Variants in CCSER1 observed in about 807,000 individuals in gnomAD.
The protein encoded by CCSER1 is serine-rich coiled-coil domain-containing protein 1.
In CCSER1, 41 loss-of-function variants were observed where a neutral mutation model predicts 82.0. The ratio of observed to expected loss-of-function variants is 0.50; its 90% CI spans 0.39 to 0.65. The LOEUF (loss-of-function observed/expected upper bound fraction) is 0.65, where lower values mean the gene tolerates loss of function less well. CCSER1 is among the 30% of genes least tolerant of loss of function. The pLI is 0.00. For missense variants in CCSER1, 1,119 were observed against 1,064.2 expected (o/e 1.05, Z -0.72); for synonymous variants, 414 against 383.9 (o/e 1.08, Z -0.92).
chr4:91,227,806 G>T (rs1221685602), intron 10 of CCSER1, among the ~76,000 whole-genome samples: 2 of 151,750 alleles, frequency 1.3e-5, no homozygotes, highest in Non-Finnish European at 2.9e-5. Flanking sequence ...ACCAAATAGG[G>T]TCCATGAAAT....
chr4:90,422,588 C>T lies in CCSER1; in HGVS notation c.1603+22459C>T, dbSNP rs372071200. 1.7e-4 allele frequency among the ~76,000 whole-genome samples: 26 copies of T among 152,090 alleles called. No individual in the cohort carries two copies. In the East Asian group the frequency reaches 2.7e-3, roughly 16 times the overall value. ...CCAGCCTGGGCAACAGAGTGAGTCTCTCTCTCTCTCTCTTTCTATAAGATC... is the reference window on the plus strand; with the variant it reads ...CCAGCCTGGGCAACAGAGTGAGTCTTTCTCTCTCTCTCTTTCTATAAGATC... On this transcript the variant is annotated intron_variant, in intron 4 of 10. Coordinates refer to ENST00000509176, the MANE Select transcript of CCSER1 (RefSeq NM_001145065.2).
At chr4:90,593,408 A>C in intron 5 of CCSER1, among the ~76,000 whole-genome samples, 1 of 151,970 alleles carries the variant, frequency 6.6e-6, no homozygotes, top group Non-Finnish European at 1.5e-5. Flanking sequence ...ATGAAAGCAC[A>C]CTCCACAGTG....
chr4:90,544,818 A>G (rs920702775), intron 5 of CCSER1, among the ~76,000 whole-genome samples: 1 of 152,162 alleles, frequency 6.6e-6, no homozygotes, highest in Non-Finnish European at 1.5e-5. Context: ...AGCAAAAGCC[A>G]AGGAAAAAGA....
At chr4:90,366,747 G>A (rs1481896599) in intron 3 of CCSER1, among the ~76,000 whole-genome samples, 1 of 151,744 alleles carries the variant, frequency 6.6e-6, no homozygotes, top group African/African-American at 2.4e-5. Flanking sequence ...CTGGATTTAA[G>A]GGACACAGTT....
intron 9 of CCSER1, among the ~76,000 whole-genome samples, chr4:90,930,594 C>CAG (rs1465966505): frequency 1.3e-5 from 2 of 149,950 alleles, no homozygotes; most frequent in Non-Finnish European, 3.0e-5. Flanking sequence ...GCCTGGGAGA[C>CAG]AGAGAGAGAC....
intron 9 of CCSER1, among the ~76,000 whole-genome samples, chr4:90,960,911 T>G (rs2150375239): frequency 6.6e-6 from 1 of 152,262 alleles, no homozygotes; most frequent in South Asian, 2.1e-4. Flanking sequence ...TTATCCCCAT[T>G]TAATATGTGA....
At chr4:91,459,009 T>C (rs760362168) in intron 10 of CCSER1, among the ~76,000 whole-genome samples, 22 of 152,276 alleles carry the variant, frequency 1.4e-4, no homozygotes, top group Middle Eastern at 6.8e-3. Context: ...ATGGAACTTA[T>C]GGGTTTTTTT....
At chr4:90,162,221 A>G (rs1324136290) in intron 1 of CCSER1, among the ~76,000 whole-genome samples, 1 of 152,134 alleles carries the variant, frequency 6.6e-6, no homozygotes, top group Non-Finnish European at 1.5e-5. Context: ...CTGAGTGTGA[A>G]GCAGAAAGCC....
At chr4:90,601,168 G>C (rs1255600916) in intron 5 of CCSER1, among the ~76,000 whole-genome samples, 1 of 151,858 alleles carries the variant, frequency 6.6e-6, no homozygotes, top group Non-Finnish European at 1.5e-5. Context: ...TTATTTCATA[G>C]GCTAGAGTCT....
intron 1 of CCSER1, among the ~76,000 whole-genome samples, chr4:90,168,996 T>A (rs902431817): frequency 4.6e-5 from 7 of 152,006 alleles, no homozygotes; most frequent in Admixed American, 2.6e-4. Context: ...AAAGTAGTTT[T>A]TTTGAATTCT....
intron 10 of CCSER1, among the ~76,000 whole-genome samples, chr4:91,301,756 C>T (rs1030806117): frequency 1.3e-5 from 2 of 151,654 alleles, no homozygotes; most frequent in Admixed American, 6.6e-5. Flanking sequence ...AGGTTTAGAT[C>T]GTAGCACATC....
At chr4:90,773,367 A>G (rs948900898) in intron 7 of CCSER1, among the ~76,000 whole-genome samples, 2 of 152,220 alleles carry the variant, frequency 1.3e-5, no homozygotes, top group African/African-American at 4.8e-5. Context: ...GAATCGACAC[A>G]TCAGAATTTT....
chr4:90,754,678 C>A (rs193107389), intron 7 of CCSER1, among the ~76,000 whole-genome samples: 1 of 152,338 alleles, frequency 6.6e-6, no homozygotes, highest in African/African-American at 2.4e-5. Flanking sequence ...ATACCCATTT[C>A]TTCCCTTAAC....
At chr4:90,978,316 G>A (rs912408488) in intron 9 of CCSER1, among the ~76,000 whole-genome samples, 1 of 151,580 alleles carries the variant, frequency 6.6e-6, no homozygotes, top group Non-Finnish European at 1.5e-5. Context: ...AAGAATTAAT[G>A]TACACAAAGC....
At chr4:90,629,649 G>A (rs910755213) in intron 6 of CCSER1, among the ~76,000 whole-genome samples, 3 of 152,098 alleles carry the variant, frequency 2.0e-5, no homozygotes, top group African/African-American at 7.2e-5. Flanking sequence ...ATAAACAAAA[G>A]CTGGAAGATA....
chr4:90,590,695 C>T (rs1157701002), intron 5 of CCSER1, among the ~76,000 whole-genome samples: 2 of 152,110 alleles, frequency 1.3e-5, no homozygotes, highest in African/African-American at 2.4e-5. Flanking sequence ...GTTTTGGTTA[C>T]TGTAGCCTTG....
At chr4:90,299,517 C>A (rs1211349673) in intron 1 of CCSER1, among the ~76,000 whole-genome samples, 1 of 152,090 alleles carries the variant, frequency 6.6e-6, no homozygotes, top group African/African-American at 2.4e-5. Flanking sequence ...ATCTCATTCT[C>A]TTTTCTGTGA....
intron 9 of CCSER1, among the ~76,000 whole-genome samples, chr4:91,058,949 T>G (rs1043782560): frequency 9.2e-5 from 14 of 152,022 alleles, no homozygotes. Context: ...AATCATAATT[T>G]GCATCCTACT....
At chr4:90,389,660 T>C (rs1212404255) in intron 3 of CCSER1, among the ~76,000 whole-genome samples, 1 of 152,182 alleles carries the variant, frequency 6.6e-6, no homozygotes, top group African/African-American at 2.4e-5. Context: ...AAGAGTGAGA[T>C]AGTTATATTT....
Sources: allele counts gnomAD v4.1 joint callset (sites outside exome capture counted in the v4.1 genomes callset), GRCh38; gene constraint gnomAD v4.1.1; transcripts MANE v1.5; gene names NCBI Gene and HGNC (gene_info 2026-07-23, HGNC 2026-07-21).